The following HCN4 variants were observed in gnomAD, a reference collection of about 807,000 sequenced individuals.
HCN4 encodes potassium/sodium hyperpolarization-activated cyclic nucleotide-gated channel 4.
HCN4 carries 29 observed loss-of-function variants against 76.9 expected under a neutral mutation model. That is an observed-to-expected ratio of 0.38 (90% CI 0.28 to 0.51). HCN4 has a LOEUF of 0.51. HCN4 is among the 20% of genes least tolerant of loss of function. HCN4 has a pLI of 0.90. For missense variants in HCN4, 1,416 were observed against 1,715.2 expected, an observed-to-expected ratio of 0.83 and a Z score of 3.08; for synonymous variants, 772 against 762.5, an observed-to-expected ratio of 1.01 and a Z score of -0.21.
intron 1 of HCN4, among the ~76,000 whole-genome samples, chr15:73,359,116 A>G (rs2043093743): frequency 6.6e-6 from 1 of 152,200 alleles, no homozygotes; most frequent in Non-Finnish European, 1.5e-5. Flanking sequence ...ACAGACACAA[A>G]ATCATCAGCA....
chr15:73,341,965 G>A (rs143381241), intron 2 of HCN4, among the ~76,000 whole-genome samples: 2 of 152,230 alleles, frequency 1.3e-5, no homozygotes, highest in Non-Finnish European at 2.9e-5. Context: ...AGGCAAGCAG[G>A]GGGTCCTGGA....
intron 1 of HCN4, among the ~76,000 whole-genome samples, chr15:73,356,374 C>CT (rs71137342): frequency 0.02 from 2,366 of 118,208 alleles, 48 homozygotes; most frequent in African/African-American, 0.037. Context: ...CTTTTCTTTT[C>CT]TTTTTTTTTT....
chr15:73,324,826 TG>T, intron 6 of HCN4, 128 bp downstream of exon 6: 2 of 1,155,024 alleles, frequency 1.7e-6, no homozygotes, highest in Non-Finnish European at 2.5e-6. Flanking sequence ...ACCCCTACCC[TG>T]GGCTCACAGA....
chr15:73,349,905 C>A (rs1467301012), intron 1 of HCN4, among the ~76,000 whole-genome samples: 1 of 152,218 alleles, frequency 6.6e-6, no homozygotes, highest in Non-Finnish European at 1.5e-5. Context: ...CACTCCAAAT[C>A]CTGTGATTGT....
chr15:73,335,100 G>C (rs1213140520), intron 2 of HCN4, among the ~76,000 whole-genome samples: 1 of 152,140 alleles, frequency 6.6e-6, no homozygotes, highest in Non-Finnish European at 1.5e-5. Flanking sequence ...TCTCAACCCA[G>C]ACTGCCAGCC....
At chr15:73,364,355 C>T (rs1232773209) in intron 1 of HCN4, among the ~76,000 whole-genome samples, 1 of 152,154 alleles carries the variant, frequency 6.6e-6, no homozygotes, top group Non-Finnish European at 1.5e-5. Flanking sequence ...TGACCAGCTT[C>T]CAGGAACACA....
In HCN4 at chr15:73,325,223, G is replaced by A; in HGVS notation, c.1738-28C>T. 1 of 1,614,112 alleles carries A rather than the reference G, an allele frequency of 6.2e-7. No homozygotes were observed. The highest frequency in any genetic ancestry group is 8.5e-7 in the Non-Finnish European group (1 of 1,179,962). ...GCCGGACAGGGTGGATTGGGACACG[G>A]GAAGGAGGTGGTGAGGGGAGCTGGC... On this transcript the variant is annotated intron_variant, in intron 5 of 7. Coordinates refer to ENST00000261917, the MANE Select transcript of HCN4 (RefSeq NM_005477.3). The surrounding 1 kb of genome is among the most constrained non-coding windows in gnomAD (Gnocchi z 7.4).
rs76024091 is a variant in HCN4, at chr15:73,347,066, G to C, written c.786-3258C>G. On this transcript the variant is annotated intron_variant, in intron 1 of 7. Transcript: ENST00000261917. ...TCTCAAGTGATGCCTTAATATCTCT[G>C]AGCATTTTTACTGGGGCTCCTTGGT... 1.6e-3 allele frequency among the ~76,000 whole-genome samples: 251 copies of C among 152,292 alleles called. 1 individual carries two copies. The highest frequency in any genetic ancestry group is 0.01 in the Middle Eastern group (3 of 294).
intron 1 of HCN4, among the ~76,000 whole-genome samples, chr15:73,344,732 G>C (rs549263335): frequency 2.2e-4 from 34 of 152,248 alleles, no homozygotes; most frequent in African/African-American, 7.7e-4. Flanking sequence ...GCAGCATGAG[G>C]AGGAGGCACA....
rs755904697 is a variant in HCN4 at position 73,367,726 on chromosome 15, G to A, written c.545C>T (p.Pro182Leu). 1.8e-5 allele frequency: 29 copies of A among 1,593,208 alleles called. No homozygotes were observed. Among genetic ancestry groups the A allele is most frequent in the Non-Finnish European group, 2.0e-5 (24 of 1,177,290 alleles). Residue 182 changes from proline to leucine, a missense_variant, in exon 1 of 8, where the codon CCC becomes CTC. Coordinates refer to ENST00000261917, the MANE Select transcript of HCN4 (RefSeq NM_005477.3). The surrounding 1 kb of genome is among the most constrained non-coding windows in gnomAD (Gnocchi z 7.5). The stretch of plus-strand genomic sequence containing the variant: ...CACTTTGATAGCGGTGTCCACCGAG[G>A]GCTGCTCGCAGGAGGCGGAGGCCGG... ...PQPASASCEQ[P>L]SVDTAIKVEG...
chr15:73,344,373 C>A (rs564424635), intron 1 of HCN4, among the ~76,000 whole-genome samples: 1 of 152,290 alleles, frequency 6.6e-6, no homozygotes, highest in South Asian at 2.1e-4. Flanking sequence ...GAAGGGCCTC[C>A]CTATTCTGGG....
intron 4 of HCN4, among the ~76,000 whole-genome samples, chr15:73,329,217 G>A (rs542270666): frequency 1.3e-5 from 2 of 152,296 alleles, no homozygotes; most frequent in South Asian, 4.1e-4. Context: ...GCAACACCGC[G>A]AGAGTGCGGT....
chr15:73,366,165 G>T (rs2043127320), intron 1 of HCN4, among the ~76,000 whole-genome samples: 1 of 152,148 alleles, frequency 6.6e-6, no homozygotes, highest in Non-Finnish European at 1.5e-5. Flanking sequence ...GTTAGGAAGA[G>T]CAGTCTGTCA....
chr15:73,325,442 G>A lies in HCN4; in HGVS notation c.1593C>T (p.Tyr531=), dbSNP rs958995249. Residue 531 remains tyrosine (Y), a splice_region_variant and synonymous_variant, in exon 5 of 8, where the codon TAC becomes TAT. Coordinates refer to ENST00000261917, the MANE Select transcript of HCN4 (RefSeq NM_005477.3). This position sits in a 1 kb window ranked among gnomAD's most constrained non-coding sequence, Gnocchi z 7.4. ...AGGACATGTACTGCTCCACCTGCTT[G>A]TACTGAGGCCGGGAGAAGGGGGCGT... ...DSSRRQYQEK[Y]KQVEQYMSFH... The A allele has an allele frequency of 1.9e-6, 3 of 1,614,100 alleles. No individual in the cohort carries two copies. Among genetic ancestry groups the A allele is most frequent in the African/African-American group, 2.7e-5 (2 of 75,058 alleles).
intron 1 of HCN4, among the ~76,000 whole-genome samples, chr15:73,351,583 G>A (rs2151223447): frequency 6.6e-6 from 1 of 152,236 alleles, no homozygotes; most frequent in East Asian, 1.9e-4. Context: ...GATCCAACGT[G>A]TCCCATCAAC....
chr15:73,351,581 G>A (rs1595831869), intron 1 of HCN4, among the ~76,000 whole-genome samples: 2 of 152,032 alleles, frequency 1.3e-5, no homozygotes, highest in Admixed American at 6.5e-5. Flanking sequence ...TGGATCCAAC[G>A]TGTCCCATCA....
intron 2 of HCN4, among the ~76,000 whole-genome samples, chr15:73,340,389 T>G (rs2042993852): frequency 6.6e-6 from 1 of 151,886 alleles, no homozygotes; most frequent in African/African-American, 2.4e-5. Flanking sequence ...TGTCTCTGCT[T>G]TTCATGGCAG....
At position 73,368,831 on chromosome 15, in the gene HCN4, G is replaced by A. The variant is rs1488048982; in HGVS notation, c.-561C>T. ...TCCCGCCGCAACCGAGCGGAGCCCA[G>A]CGACCCGCCGGGCTTACATCAGCGG... is the stretch of plus-strand genomic sequence containing the variant. On this transcript the variant is annotated 5_prime_UTR_variant, in exon 1 of 8. Transcript: ENST00000261917. This position sits in a 1 kb window ranked among gnomAD's most constrained non-coding sequence, Gnocchi z 6.9. The A allele has an allele frequency of 1.3e-5, 2 of 152,138 alleles. No homozygotes were observed. The highest frequency in any genetic ancestry group is 4.8e-5 in the African/African-American group (2 of 41,454). 9.4% of individuals were successfully genotyped at this position (152,138 alleles called of 1,614,324 possible).
rs771533338 is a variant in HCN4 at position 73,368,062 on chromosome 15, G to A, written c.209C>T (p.Ser70Leu). The A allele has an allele frequency of 9.5e-6, 14 of 1,480,930 alleles. No individual in the cohort carries two copies. The highest frequency in any genetic ancestry group is 5.8e-5 in the East Asian group (2 of 34,614). 91.7% of individuals were successfully genotyped at this position (1,480,930 alleles called of 1,614,324 possible). The change falls in exon 1 of 8, where the codon TCG (serine) becomes TTG (leucine). Residue 70 changes from serine (S) to leucine (L), a missense_variant. By Grantham distance (145) the Ser-to-Leu change is moderately radical. This residue lies in a region of HCN4 where 355 missense variants were observed against 347.8 expected (regional missense o/e 1.02). Transcript: ENST00000261917. This position sits in a 1 kb window ranked among gnomAD's most constrained non-coding sequence, Gnocchi z 6.9. ...AAAGGTESRS[S>L]ALGAADSEGP... ...TTCGCTGTCCGCTGCCCCGAGGGCC[G>A]AGCTCCGGGACTCCGTGCCACCCGC...
Sources: allele counts gnomAD v4.1 joint callset (sites outside exome capture counted in the v4.1 genomes callset), GRCh38; gene constraint gnomAD v4.1.1; regional missense constraint gnomAD v4.1.1; non-coding constraint Gnocchi (gnomAD v3.1); transcripts MANE v1.5; gene names NCBI Gene and HGNC (gene_info 2026-07-23, HGNC 2026-07-21).